Variants in PCDHGA9 observed in about 807,000 individuals in gnomAD.
The protein encoded by PCDHGA9 is protocadherin gamma-A9.
A neutral mutation model predicts 62.5 loss-of-function variants in PCDHGA9; 37 were observed. The ratio of observed to expected loss-of-function variants is 0.59; its 90% CI spans 0.46 to 0.78. The LOEUF (loss-of-function observed/expected upper bound fraction) is 0.78, where lower values mean the gene tolerates loss of function less well. Ranked by LOEUF, PCDHGA9 falls within the 30% of genes least tolerant of loss-of-function variation. PCDHGA9 has a pLI of 0.00. For synonymous variants in PCDHGA9, 459 were observed against 484.6 expected, an observed-to-expected ratio of 0.95 and a Z score of 0.69; for missense variants, 1,138 against 1,166.2, an observed-to-expected ratio of 0.98 and a Z score of 0.35.
chr5:141,477,193 C>G lies in PCDHGA9; in HGVS notation c.2425-17614C>G. The G allele has an allele frequency of 6.2e-7, 1 of 1,614,176 alleles. No homozygotes were observed. Among genetic ancestry groups the G allele is most frequent in the Non-Finnish European group, 8.5e-7 (1 of 1,180,036 alleles). On this transcript the variant is annotated intron_variant, in intron 1 of 3. Transcript: ENST00000573521. This position sits in a 1 kb window ranked among gnomAD's most constrained non-coding sequence, Gnocchi z 4.9. ...AGATCACAGTCACCTCCGTGTACAG[C>G]CCAGTACCCGAGGATGCCCCTCTGG...
chr5:141,496,251 G>A (rs746722054), intron 2 of PCDHGA9, among the ~76,000 whole-genome samples: 7 of 152,150 alleles, frequency 4.6e-5, no homozygotes, highest in African/African-American at 7.2e-5. Context: ...TGAAGGGGAG[G>A]GAAACTTCAG....
At chr5:141,407,980 C>T in intron 1 of PCDHGA9, 1 of 760,358 alleles carries the variant, frequency 1.3e-6, no homozygotes, top group Non-Finnish European at 2.0e-6. Context: ...CGCCGGGGAT[C>T]CGTCAGCCTC....
At chr5:141,480,828 TAAGATC>T (rs1054950452) in intron 1 of PCDHGA9, among the ~76,000 whole-genome samples, 22 of 152,260 alleles carry the variant, frequency 1.4e-4, no homozygotes, top group African/African-American at 5.1e-4. Context: ...GGGTGGATCA[TAAGATC>T]AGGAGTTTGA....
intron 1 of PCDHGA9, chr5:141,478,581 T>C: frequency 6.3e-7 from 1 of 1,580,158 alleles, no homozygotes; most frequent in Non-Finnish European, 8.6e-7. Flanking sequence ...ACCCTGTTAG[T>C]GCTTTTTTAT....
chr5:141,427,807 A>T (rs1443881781), intron 1 of PCDHGA9: 2 of 1,521,932 alleles, frequency 1.3e-6, no homozygotes, highest in East Asian at 2.3e-5. Flanking sequence ...GTGAGCGCAC[A>T]GAGCGGGGTG....
rs1485167379 is a variant in PCDHGA9, at chr5:141,485,881, C to T, written c.2425-8926C>T. 5.0e-6 allele frequency: 8 copies of T among 1,613,984 alleles called. No homozygotes were observed. Among genetic ancestry groups the T allele is most frequent in the East Asian group, 2.2e-5 (1 of 44,880 alleles). On this transcript the variant is annotated intron_variant, in intron 1 of 3. Transcript: ENST00000573521. The surrounding 1 kb of genome is among the most constrained non-coding windows in gnomAD (Gnocchi z 5.7). ...TCCGGGTATCCGTGCTGGACGTAAACGACAACGCCCCAGCCTTCCAGCAAT... is the reference window on the plus strand; with the variant it reads ...TCCGGGTATCCGTGCTGGACGTAAATGACAACGCCCCAGCCTTCCAGCAAT...
chr5:141,510,280 A>G (rs1218058358), intron 3 of PCDHGA9, among the ~76,000 whole-genome samples: 1 of 151,892 alleles, frequency 6.6e-6, no homozygotes, highest in Non-Finnish European at 1.5e-5. Context: ...CTTAAAAAAA[A>G]AAAAAAAAAA....
chr5:141,437,076 A>T (rs1018228245), intron 1 of PCDHGA9, among the ~76,000 whole-genome samples: 2 of 152,236 alleles, frequency 1.3e-5, no homozygotes, highest in African/African-American at 4.8e-5. Context: ...TTTGGGCCAT[A>T]TAAGAATTGA....
chr5:141,439,638 C>T (rs1256973189), intron 1 of PCDHGA9, among the ~76,000 whole-genome samples: 2 of 152,184 alleles, frequency 1.3e-5, no homozygotes, highest in African/African-American at 4.8e-5. Context: ...GACATTCCGG[C>T]TTGGTGGCTT....
intron 1 of PCDHGA9, chr5:141,415,772 T>TTC: frequency 7.5e-7 from 1 of 1,332,986 alleles, no homozygotes; most frequent in Non-Finnish European, 9.6e-7. Flanking sequence ...TTTTTTTTTT[T>TTC]ACTTTCTGGT....
At chr5:141,466,864 C>G (rs925681539) in intron 1 of PCDHGA9, among the ~76,000 whole-genome samples, 24 of 151,910 alleles carry the variant, frequency 1.6e-4, no homozygotes, top group African/African-American at 5.3e-4. Flanking sequence ...TTTTGAAATC[C>G]ACACATTTTT....
intron 2 of PCDHGA9, among the ~76,000 whole-genome samples, chr5:141,501,290 TACACAC>T (rs55762287): frequency 0.081 from 10,957 of 136,038 alleles, 480 homozygotes; most frequent in African/African-American, 0.13. Context: ...TATTCCCTTA[TACACAC>T]ACACACACAC....
intron 1 of PCDHGA9, chr5:141,419,588 A>C: frequency 6.2e-7 from 1 of 1,611,830 alleles, no homozygotes; most frequent in Non-Finnish European, 8.5e-7. Flanking sequence ...GCTCTTCGAC[A>C]CAGTGCCGCG....
chr5:141,435,614 C>A, intron 1 of PCDHGA9, among the ~76,000 whole-genome samples: 1 of 152,056 alleles, frequency 6.6e-6, no homozygotes, highest in East Asian at 1.9e-4. Flanking sequence ...ACATTAAATT[C>A]CCCATAACTT....
intron 1 of PCDHGA9, among the ~76,000 whole-genome samples, chr5:141,481,743 G>C (rs1257734207): frequency 1.3e-5 from 2 of 152,096 alleles, no homozygotes; most frequent in Non-Finnish European, 2.9e-5. Context: ...CACGAGGTCA[G>C]GAGTCCAAGA....
At chr5:141,439,124 CAG>C (rs2098089371) in intron 1 of PCDHGA9, among the ~76,000 whole-genome samples, 1 of 150,004 alleles carries the variant, frequency 6.7e-6, no homozygotes, top group Non-Finnish European at 1.5e-5. Flanking sequence ...ACCCGGGAGA[CAG>C]AGGTTGCAGT....
chr5:141,505,602 A>G lies in PCDHGA9; in HGVS notation c.2572+121A>G, dbSNP rs1041288927. 4.6e-5 allele frequency: 71 copies of G among 1,534,990 alleles called. 1 individual carries two copies. In the Admixed American group the frequency reaches 1.4e-3, roughly 30 times the overall value. On this transcript the variant is annotated intron_variant, in intron 3 of 3. Coordinates refer to ENST00000573521, the MANE Select transcript of PCDHGA9 (RefSeq NM_018921.3). ...GTGTAGTTTCTCCAGATCTTTCGGC[A>G]GGTCTGAAAGGACCCACAATTCCAA...
chr5:141,419,632 G>A (rs1210031265), intron 1 of PCDHGA9: 1 of 1,612,432 alleles, frequency 6.2e-7, no homozygotes, highest in Admixed American at 1.7e-5. Flanking sequence ...TGACCAAGGT[G>A]GTGGCCGTGG....
intron 1 of PCDHGA9, chr5:141,441,665 A>G (rs994092543): frequency 2.3e-5 from 6 of 265,720 alleles, no homozygotes; most frequent in Non-Finnish European, 3.7e-5. Context: ...CCTTGAGCGC[A>G]CAGTGCGCCT....
Sources: gnomAD v4.1 joint callset for allele counts (sites outside exome capture counted in the v4.1 genomes callset) on GRCh38, gnomAD v4.1.1 for gene constraint, Gnocchi (gnomAD v3.1) non-coding constraint, MANE v1.5 for transcripts, NCBI Gene and HGNC (gene_info 2026-07-23, HGNC 2026-07-21) for gene names.